Variants in ATP13A4 observed in about 807,000 individuals in gnomAD.
ATP13A4 encodes ATPase 13A4.
A neutral mutation model predicts 142.5 loss-of-function variants in ATP13A4; 114 were observed. The observed-to-expected ratio is 0.80, with a 90% CI of 0.69 to 0.93. ATP13A4 has a LOEUF of 0.93. Among genes scored for constraint, ATP13A4 ranks in the 40% least tolerant of loss-of-function variants. ATP13A4 has a pLI of 0.00. For missense variants in ATP13A4, 1,392 were observed against 1,454.0 expected, an observed-to-expected ratio of 0.96 and a Z score of 0.69; for synonymous variants, 488 against 514.8, an observed-to-expected ratio of 0.95 and a Z score of 0.70.
At chr3:193,579,146 A>T (rs10804955) in intron 2 of ATP13A4, 84,144 of 159,896 alleles carry the variant, frequency 0.53, 22,916 homozygotes, top group African/African-American at 0.66. Flanking sequence ...GCCTAAGGCA[A>T]CAGCGATAGT....
intron 18 of ATP13A4, among the ~76,000 whole-genome samples, chr3:193,443,176 A>G (rs996080973): frequency 6.6e-6 from 1 of 152,186 alleles, no homozygotes; most frequent in African/African-American, 2.4e-5. Context: ...TTCTGGCCAG[A>G]AGAGCCAGGA....
At chr3:193,544,834 A>G (rs974818247) in intron 1 of ATP13A4, among the ~76,000 whole-genome samples, 9 of 152,248 alleles carry the variant, frequency 5.9e-5, no homozygotes, top group African/African-American at 1.7e-4. Flanking sequence ...CATCAAAAGC[A>G]TAAAGTACAC....
At chr3:193,579,362 A>G in intron 2 of ATP13A4, 1 of 236,454 alleles carries the variant, frequency 4.2e-6, no homozygotes, top group Non-Finnish European at 8.2e-6. Context: ...GACCTGCTCG[A>G]ATCTACGTGT....
chr3:193,455,249 G>A (rs1445794159), intron 16 of ATP13A4, among the ~76,000 whole-genome samples: 1 of 151,290 alleles, frequency 6.6e-6, no homozygotes, highest in Admixed American at 6.6e-5. Context: ...GCTGAGGCAG[G>A]AGAATGGCGT....
intron 2 of ATP13A4, among the ~76,000 whole-genome samples, chr3:193,508,984 T>C (rs1252113324): frequency 3.3e-5 from 4 of 120,078 alleles, no homozygotes; most frequent in Non-Finnish European, 5.3e-5. Flanking sequence ...ATCTAGACTG[T>C]CCAGGAAAAA....
In ATP13A4 at chr3:193,414,661, T is replaced by G. The variant is rs770185624; in HGVS notation, c.2932A>C (p.Asn978His). 4.0e-5 allele frequency: 64 copies of G among 1,613,992 alleles called. No individual in the cohort carries two copies. The highest frequency in any genetic ancestry group is 5.3e-5 in the Non-Finnish European group (62 of 1,180,022). Residue 978 changes from asparagine (N) to histidine (H), a missense_variant, in exon 26 of 30, where the codon AAC (asparagine) becomes CAC (histidine). Physicochemically the swap from Asn to His is moderately conservative, Grantham distance 68. Transcript: ENST00000342695. ...SPPLLLSVIF[N>H]ILLSLAMHIA... ...TGCATGGCCAGGCTGAGAAGAATGT[T>G]GAAAATCACAGAGAGTAGCAGAGGT...
At chr3:193,479,431 A>C (rs553960783) in intron 8 of ATP13A4, among the ~76,000 whole-genome samples, 5 of 152,204 alleles carry the variant, frequency 3.3e-5, no homozygotes, top group Non-Finnish European at 7.4e-5. Context: ...TTCAGGATAC[A>C]AAATTAATGT....
At chr3:193,451,606 C>T (rs1197780929) in intron 17 of ATP13A4, among the ~76,000 whole-genome samples, 2 of 152,178 alleles carry the variant, frequency 1.3e-5, no homozygotes. Flanking sequence ...AGATATTATG[C>T]CTCCTCCTGA....
rs1159087810 is a variant in ATP13A4, at chr3:193,400,258, A to G, written c.*2394T>C. The stretch of plus-strand genomic sequence containing the variant: ...AGTTAATCCCAGGAATACAGTCTTC[A>G]AAATGAGTCTCTTTTCCCAAAGATT... On this transcript the variant is annotated 3_prime_UTR_variant, in exon 30 of 30. Coordinates refer to ENST00000342695, the MANE Select transcript of ATP13A4 (RefSeq NM_032279.4). Among the ~76,000 whole-genome samples, 1 of 152,246 alleles carries G rather than the reference A, an allele frequency of 6.6e-6. No individual in the cohort carries two copies. Among genetic ancestry groups the G allele is most frequent in the Non-Finnish European group, 1.5e-5 (1 of 68,036 alleles).
chr3:193,508,090 A>T (rs1720950888), intron 2 of ATP13A4, among the ~76,000 whole-genome samples: 1 of 152,214 alleles, frequency 6.6e-6, no homozygotes. Context: ...AAGAGCACAG[A>T]GAAAAGACCC....
intron 16 of ATP13A4, among the ~76,000 whole-genome samples, chr3:193,456,363 TA>T (rs1717611645): frequency 6.6e-6 from 1 of 151,854 alleles, no homozygotes; most frequent in African/African-American, 2.4e-5. Context: ...GGTGGTTCAG[TA>T]AAGGAAGGAT....
At chr3:193,405,843 G>A (rs1433453006) in intron 29 of ATP13A4, among the ~76,000 whole-genome samples, 1 of 152,156 alleles carries the variant, frequency 6.6e-6, no homozygotes. Context: ...TTAATATGCG[G>A]AAATGGAGGA....
intron 1 of ATP13A4, chr3:193,553,084 A>T (rs1723674005): frequency 6.6e-6 from 1 of 152,194 alleles, no homozygotes; most frequent in Admixed American, 6.5e-5. Context: ...GTGCATACTA[A>T]TTGCTGCACC....
rs1369857800 is a variant in ATP13A4 at position 193,502,645 on chromosome 3, G to A, written c.235-6C>T. 1.9e-6 allele frequency: 3 copies of A among 1,613,440 alleles called. No individual in the cohort carries two copies. Among genetic ancestry groups the A allele is most frequent in the African/African-American group, 1.3e-5 (1 of 74,878 alleles). On this transcript the variant is annotated splice_polypyrimidine_tract_variant and splice_region_variant and intron_variant, in intron 2 of 29. Coordinates refer to ENST00000342695, the MANE Select transcript of ATP13A4 (RefSeq NM_032279.4). ...GAGTAAATTTGGAATTCATCCTGAG[G>A]AGATAGACATCAAAACCCCCAAGAA...
chr3:193,438,955 A>G lies in ATP13A4; in HGVS notation c.2562+68T>C, dbSNP rs191310163. ...TGAGATTATGACTACACACACTGGC[A>G]GCTACTCTAAAGGGCTTAAGTGTAA... On this transcript the variant is annotated intron_variant, in intron 22 of 29. Coordinates refer to ENST00000342695, the MANE Select transcript of ATP13A4 (RefSeq NM_032279.4). The G allele has an allele frequency of 2.2e-4, 314 of 1,457,072 alleles. 1 individual carries two copies. In the East Asian group the frequency reaches 6.4e-3, roughly 29 times the overall value. The allele number at this position is 1,457,072 out of a possible 1,614,324, so 90.3% of individuals were successfully genotyped here. A position where few individuals can be genotyped will look rare whatever the true frequency, so the allele number is the denominator to read the frequency against.
chr3:193,433,922 A>G lies in ATP13A4; in HGVS notation c.2770-5T>C. 1 of 1,612,036 alleles carries G rather than the reference A, an allele frequency of 6.2e-7. No individual in the cohort carries two copies. The highest frequency in any genetic ancestry group is 1.1e-5 in the South Asian group (1 of 91,040). ...ATTTGAAAGGCTGTTTGTCTCCTGA[A>G]AATAAAAAGAAAGCAGATCAAAAAA... On this transcript the variant is annotated splice_polypyrimidine_tract_variant and splice_region_variant and intron_variant, in intron 24 of 29. Coordinates refer to ENST00000342695, the MANE Select transcript of ATP13A4 (RefSeq NM_032279.4).
At chr3:193,409,485 C>T (rs541157697) in intron 28 of ATP13A4, among the ~76,000 whole-genome samples, 1 of 152,162 alleles carries the variant, frequency 6.6e-6, no homozygotes, top group Non-Finnish European at 1.5e-5. Flanking sequence ...TACCAGAGGA[C>T]CCAGCCTTTC....
chr3:193,434,037 C>A, intron 24 of ATP13A4, 120 bp from the exon 25 acceptor site: 1 of 850,058 alleles, frequency 1.2e-6, no homozygotes, highest in Non-Finnish European at 1.9e-6. Context: ...TGTGGAGATG[C>A]TGTGTTCGGG....
intron 8 of ATP13A4, among the ~76,000 whole-genome samples, chr3:193,472,108 A>C (rs1227615939): frequency 6.6e-6 from 1 of 152,222 alleles, no homozygotes; most frequent in Non-Finnish European, 1.5e-5. Context: ...GCATCCAGGC[A>C]GAAATGGTAC....
Sources: gnomAD v4.1 joint callset for allele counts (sites outside exome capture counted in the v4.1 genomes callset) on GRCh38, gnomAD v4.1.1 for gene constraint, MANE v1.5 for transcripts, NCBI Gene and HGNC (gene_info 2026-07-23, HGNC 2026-07-21) for gene names.